Variants in CCDC7 observed in about 807,000 individuals in gnomAD.
CCDC7 encodes coiled-coil domain-containing protein 7.
Under a neutral mutation model 196.9 loss-of-function variants are expected in CCDC7, and 183 were observed. The ratio of observed to expected loss-of-function variants is 0.93; its 90% CI spans 0.82 to 1.05. The LOEUF (loss-of-function observed/expected upper bound fraction) is 1.05. CCDC7 is among the 50% of genes least tolerant of loss of function. The pLI, the probability that CCDC7 is intolerant of heterozygous loss-of-function variation, is 0.00. For synonymous variants in CCDC7, 525 were observed against 484.6 expected (o/e 1.08, Z -1.10); for missense variants, 1,540 against 1,482.2 (o/e 1.04, Z -0.64).
At chr10:32,585,615 A>G (rs1488764790) in intron 18 of CCDC7, among the ~76,000 whole-genome samples, 2 of 152,054 alleles carry the variant, frequency 1.3e-5, no homozygotes, top group Non-Finnish European at 2.9e-5. Context: ...ATGATTGAGA[A>G]CATGTGGTGT....
intron 18 of CCDC7, among the ~76,000 whole-genome samples, chr10:32,630,668 G>A (rs2064739880): frequency 6.6e-6 from 1 of 152,122 alleles, no homozygotes; most frequent in Non-Finnish European, 1.5e-5. Flanking sequence ...AATTGGCCTA[G>A]TAGATATTTA....
At chr10:32,497,821 T>G (rs550070717) in intron 9 of CCDC7, among the ~76,000 whole-genome samples, 1 of 152,324 alleles carries the variant, frequency 6.6e-6, no homozygotes, top group Non-Finnish European at 1.5e-5. Context: ...AATTTTGTGG[T>G]CAATTTTAGA....
chr10:32,754,067 ATTG>A (rs2076048757), intron 28 of CCDC7, among the ~76,000 whole-genome samples: 1 of 152,126 alleles, frequency 6.6e-6, no homozygotes, highest in African/African-American at 2.4e-5. Context: ...TAAAGTAAGT[ATTG>A]TTGTAAAATG....
chr10:32,648,816 A>G (rs2068212698), intron 20 of CCDC7, among the ~76,000 whole-genome samples: 1 of 152,092 alleles, frequency 6.6e-6, no homozygotes, highest in African/African-American at 2.4e-5. Context: ...TATTCCTTTG[A>G]GAAGTGTCTG....
chr10:32,658,710 T>C (rs2070533189), intron 20 of CCDC7, among the ~76,000 whole-genome samples: 1 of 152,196 alleles, frequency 6.6e-6, no homozygotes, highest in Non-Finnish European at 1.5e-5. Flanking sequence ...TGCAACGGCA[T>C]CGATGAACCT....
intron 14 of CCDC7, among the ~76,000 whole-genome samples, chr10:32,566,818 G>C (rs1363568614): frequency 2.7e-5 from 4 of 149,902 alleles, no homozygotes; most frequent in South Asian, 2.1e-4. Context: ...AGGCTGAGGT[G>C]GGGGGATAAC....
intron 28 of CCDC7, among the ~76,000 whole-genome samples, chr10:32,754,938 T>A (rs532908679): frequency 2.6e-5 from 4 of 152,124 alleles, no homozygotes; most frequent in African/African-American, 9.7e-5. Context: ...GCTTTTCCAA[T>A]GGTCTTAGCA....
chr10:32,742,909 G>A (rs2086119544), intron 28 of CCDC7, among the ~76,000 whole-genome samples: 1 of 152,180 alleles, frequency 6.6e-6, no homozygotes, highest in East Asian at 1.9e-4. Context: ...ATATAAAGTT[G>A]AGAGATAAAA....
intron 18 of CCDC7, among the ~76,000 whole-genome samples, chr10:32,624,469 C>G (rs2063756575): frequency 6.6e-6 from 1 of 152,164 alleles, no homozygotes; most frequent in Non-Finnish European, 1.5e-5. Context: ...AAACCAATGC[C>G]ACTAATTTTA....
At chr10:32,805,159 G>A (rs2085572525) in intron 30 of CCDC7, 61 bp downstream of exon 31, 1 of 1,217,304 alleles carries the variant, frequency 8.2e-7, no homozygotes, top group South Asian at 1.2e-5. Flanking sequence ...AAGTTTAAGT[G>A]TGTATCCTTA....
At chr10:32,475,437 A>AT (rs914327274) in intron 8 of CCDC7, among the ~76,000 whole-genome samples, 24 of 152,348 alleles carry the variant, frequency 1.6e-4, no homozygotes, top group Admixed American at 1.6e-3. Flanking sequence ...ATGCTCCATC[A>AT]TGGATGAAAG....
At chr10:32,832,330 C>T (rs1368287809) in intron 32 of CCDC7, among the ~76,000 whole-genome samples, 1 of 151,920 alleles carries the variant, frequency 6.6e-6, no homozygotes, top group African/African-American at 2.4e-5. Context: ...CTGGTGAAGC[C>T]CTGTCTCTAC....
chr10:32,598,775 C>G (rs2060687077), intron 18 of CCDC7, among the ~76,000 whole-genome samples: 1 of 151,926 alleles, frequency 6.6e-6, no homozygotes, highest in Non-Finnish European at 1.5e-5. Flanking sequence ...AGAAAAGATA[C>G]TTCATATTCA....
chr10:32,444,247 A>G (rs2133183503), upstream of CCDC7, among the ~76,000 whole-genome samples: 1 of 152,362 alleles, frequency 6.6e-6, no homozygotes. Flanking sequence ...TCATCAGATG[A>G]AAAAGTTCCT....
chr10:32,543,141 A>T (rs1422611038), intron 11 of CCDC7, among the ~76,000 whole-genome samples, 159 bp from the exon 13 acceptor site: 1 of 152,156 alleles, frequency 6.6e-6, no homozygotes, highest in East Asian at 1.9e-4. Context: ...AACAGACCAG[A>T]TGTGTCATTT....
At chr10:32,724,294 G>A (rs888333303) in intron 25 of CCDC7, among the ~76,000 whole-genome samples, 1 of 152,034 alleles carries the variant, frequency 6.6e-6, no homozygotes, top group African/African-American at 2.4e-5. Context: ...ATTTCCATGG[G>A]ATCCTCGGGG....
At chr10:32,606,658 T>A (rs2061589350) in intron 18 of CCDC7, among the ~76,000 whole-genome samples, 1 of 152,122 alleles carries the variant, frequency 6.6e-6, no homozygotes. Flanking sequence ...CCCTGATGGG[T>A]TTCAGATTTG....
intron 5 of CCDC7, among the ~76,000 whole-genome samples, chr10:32,467,034 A>T (rs569929990): frequency 6.6e-6 from 1 of 150,900 alleles, no homozygotes; most frequent in South Asian, 2.1e-4. Context: ...AGTGATGTTG[A>T]GCTTTTTTTC....
At chr10:32,697,553 C>A (rs1015487844) in intron 24 of CCDC7, among the ~76,000 whole-genome samples, 1 of 151,482 alleles carries the variant, frequency 6.6e-6, no homozygotes, top group Non-Finnish European at 1.5e-5. Context: ...GTCCCACACC[C>A]ATGGAGCCTT....
Sources: allele counts gnomAD v4.1 joint callset (sites outside exome capture counted in the v4.1 genomes callset), GRCh38; gene constraint gnomAD v4.1.1; transcripts MANE v1.5; gene names NCBI Gene and HGNC (gene_info 2026-07-23, HGNC 2026-07-21).